FAM81A: variants seen among roughly 807,000 people sequenced by gnomAD.
FAM81A encodes protein FAM81A.
A neutral mutation model predicts 46.7 loss-of-function variants in FAM81A; 19 were observed. The observed-to-expected ratio is 0.41, with a 90% CI of 0.28 to 0.60. FAM81A has a LOEUF of 0.60. Among genes scored for constraint, FAM81A ranks in the 20% least tolerant of loss-of-function variants. The probability of loss-of-function intolerance (pLI) is 0.34; values close to 1 mark genes in which losing one functional copy is unlikely to be tolerated. For missense variants in FAM81A, 377 were observed against 453.5 expected (o/e 0.83, Z 1.53); for synonymous variants, 183 against 152.9 (o/e 1.20, Z -1.45).
chr15:59,426,347 C>T (rs762430587), intron 2 of FAM81A, among the ~76,000 whole-genome samples: 1 of 152,166 alleles, frequency 6.6e-6, no homozygotes, highest in Non-Finnish European at 1.5e-5. Context: ...TGGCTCTTGC[C>T]TGTAATCCTA....
chr15:59,401,622 G>A, intron 1 of FAM81A: 1 of 916,266 alleles, frequency 1.1e-6, no homozygotes, highest in Non-Finnish European at 1.8e-6. Context: ...GTTTCTCCCT[G>A]GGCACATACT....
intron 3 of FAM81A, among the ~76,000 whole-genome samples, chr15:59,469,932 A>T (rs2081663648): frequency 2.0e-5 from 3 of 152,068 alleles, no homozygotes; most frequent in Non-Finnish European, 4.4e-5. Flanking sequence ...ATCTCTCAGC[A>T]TTTGCTTGTC....
intron 3 of FAM81A, among the ~76,000 whole-genome samples, chr15:59,467,878 G>A (rs562063388): frequency 2.6e-5 from 4 of 152,204 alleles, no homozygotes; most frequent in South Asian, 2.1e-4. Context: ...TTTGAGATAC[G>A]TTCCATCAAT....
intron 1 of FAM81A, among the ~76,000 whole-genome samples, chr15:59,456,441 A>G (rs187106178): frequency 1.3e-5 from 2 of 152,270 alleles, no homozygotes; most frequent in East Asian, 3.9e-4. Context: ...CAATCTCTCC[A>G]TCCCCTATTT....
At chr15:59,464,796 T>C (rs1474139525) in intron 3 of FAM81A, among the ~76,000 whole-genome samples, 1 of 152,214 alleles carries the variant, frequency 6.6e-6, no homozygotes, top group African/African-American at 2.4e-5. Context: ...CTTCCTTTAT[T>C]GTGCAGAAGC....
intron 7 of FAM81A, among the ~76,000 whole-genome samples, chr15:59,516,248 C>G (rs904981085): frequency 6.6e-6 from 1 of 151,814 alleles, no homozygotes; most frequent in Non-Finnish European, 1.5e-5. Flanking sequence ...GCCTCAGCCT[C>G]CTATGTAGCT....
At chr15:59,510,777 CAAAAAAAAAAAAAAAA>C (rs71119479) in intron 6 of FAM81A, among the ~76,000 whole-genome samples, 1 of 25,774 alleles carries the variant, frequency 3.9e-5, no homozygotes, top group South Asian at 3.1e-3. Context: ...GACCCTGTCT[CAAAAAAAAAAAAAAAA>C]AAAAAAAAAA....
At chr15:59,473,318 G>A (rs148938479) in intron 3 of FAM81A, among the ~76,000 whole-genome samples, 106 of 152,204 alleles carry the variant, frequency 7.0e-4, no homozygotes, top group African/African-American at 2.3e-3. Context: ...TTCACCACCC[G>A]GCCTGGGTGG....
At chr15:59,417,555 A>C (rs1286820029) in intron 2 of FAM81A, among the ~76,000 whole-genome samples, 1 of 151,312 alleles carries the variant, frequency 6.6e-6, no homozygotes, top group Non-Finnish European at 1.5e-5. Flanking sequence ...AAAATACAAA[A>C]AAAAAAAAAA....
chr15:59,519,348 C>G (rs2082302430), intron 8 of FAM81A, among the ~76,000 whole-genome samples: 1 of 151,898 alleles, frequency 6.6e-6, no homozygotes, highest in African/African-American at 2.4e-5. Flanking sequence ...ACCACCAGGC[C>G]CAGCTAATTT....
chr15:59,489,314 T>TATACATAC (rs1308522125), intron 3 of FAM81A, among the ~76,000 whole-genome samples: 40 of 139,628 alleles, frequency 2.9e-4, no homozygotes, highest in Admixed American at 7.9e-4. Context: ...TACATACATA[T>TATACATAC]ATACATACAT....
At position 59,518,648 on chromosome 15, in the gene FAM81A, T is replaced by A. The variant is rs767581713; in HGVS notation, c.982+1808T>A. ...TGCCCTTTTATTATTTCAGTGTATA[T>A]ATCCTAAGAACAAGGATATTCTCTT... On this transcript the variant is annotated intron_variant, in intron 8 of 8. Coordinates refer to ENST00000288228, the MANE Select transcript of FAM81A (RefSeq NM_152450.3). 5.0e-4 allele frequency among the ~76,000 whole-genome samples: 76 copies of A among 152,168 alleles called. 1 individual carries two copies. Among genetic ancestry groups the A allele is most frequent in the Non-Finnish European group, 8.7e-4 (59 of 68,026 alleles).
intron 1 of FAM81A, among the ~76,000 whole-genome samples, chr15:59,451,402 A>T (rs1437307506): frequency 2.0e-5 from 3 of 151,968 alleles, no homozygotes; most frequent in Non-Finnish European, 4.4e-5. Context: ...CCCCTCTATT[A>T]TAGAGCTTTT....
At chr15:59,450,902 G>A (rs1301987777) in intron 1 of FAM81A, among the ~76,000 whole-genome samples, 1 of 152,202 alleles carries the variant, frequency 6.6e-6, no homozygotes, top group Non-Finnish European at 1.5e-5. Flanking sequence ...GAGTACACGT[G>A]ACTGTCAGTT....
intron 3 of FAM81A, among the ~76,000 whole-genome samples, chr15:59,491,667 A>G (rs1390422105): frequency 1.3e-5 from 2 of 152,184 alleles, no homozygotes; most frequent in African/African-American, 4.8e-5. Context: ...CTGTATCAAA[A>G]TAGCCCATGG....
At chr15:59,467,295 A>G (rs1463402115) in intron 3 of FAM81A, among the ~76,000 whole-genome samples, 4 of 151,994 alleles carry the variant, frequency 2.6e-5, no homozygotes, top group Non-Finnish European at 4.4e-5. Flanking sequence ...AATTACTTTG[A>G]GCAGTATGGC....
chr15:59,443,146 A>G (rs8034709), intron 1 of FAM81A, among the ~76,000 whole-genome samples: 79,599 of 152,136 alleles, frequency 0.52, 21,730 homozygotes, highest in Non-Finnish European at 0.62. Flanking sequence ...GCAATGGCAC[A>G]ATCTCGGCTC....
chr15:59,492,457 G>T, intron 4 of FAM81A, 68 bp downstream of exon 4: 1 of 1,221,066 alleles, frequency 8.2e-7, no homozygotes. Flanking sequence ...TTATAGTGGG[G>T]AATATATTAA....
At chr15:59,428,910 C>T (rs768711135) in intron 2 of FAM81A, among the ~76,000 whole-genome samples, 53 of 152,102 alleles carry the variant, frequency 3.5e-4, no homozygotes, top group Non-Finnish European at 7.1e-4. Context: ...GGATTACAGG[C>T]GTGAGCCACC....
Sources: gnomAD v4.1 joint callset for allele counts (sites outside exome capture counted in the v4.1 genomes callset) on GRCh38, gnomAD v4.1.1 for gene constraint, MANE v1.5 for transcripts, NCBI Gene and HGNC (gene_info 2026-07-23, HGNC 2026-07-21) for gene names.